PAIP2B: variants seen among roughly 807,000 people sequenced by gnomAD.
PAIP2B encodes poly(A) binding protein interacting protein 2B, also known as polyadenylate-binding protein-interacting protein 2B.
PAIP2B carries 13 observed loss-of-function variants against 17.0 expected under a neutral mutation model. The ratio of observed to expected loss-of-function variants is 0.76; its 90% CI spans 0.50 to 1.22. The LOEUF is 1.22. Ranked by LOEUF, PAIP2B falls within the 50% of genes most tolerant of loss-of-function variation. PAIP2B has a pLI of 0.00. For synonymous variants in PAIP2B, 43 were observed against 48.7 expected, an observed-to-expected ratio of 0.88 and a Z score of 0.48; for missense variants, 117 against 144.5, an observed-to-expected ratio of 0.81 and a Z score of 0.98.
intron 1 of PAIP2B, among the ~76,000 whole-genome samples, chr2:71,220,486 G>GAA (rs1675555035): frequency 6.6e-6 from 1 of 150,488 alleles, no homozygotes; most frequent in African/African-American, 2.4e-5. Context: ...GTAGTCCCCT[G>GAA]CTCCTTGCCA....
chr2:71,207,860 TA>T lies in PAIP2B; in HGVS notation c.-11-5261del, dbSNP rs565941275. Among the ~76,000 whole-genome samples the T allele has an allele frequency of 3.2e-4, 49 of 152,198 alleles. No homozygotes were observed. In the East Asian group the frequency reaches 4.4e-3, roughly 14 times the overall value. On this transcript the variant is annotated intron_variant, in intron 1 of 3. Transcript: ENST00000244221. ...AGGGCAAACTTTTCTTGGGTGGTGA[TA>T]GGGGCGTGGGGGTAAAAAAGGTGAT...
intron 1 of PAIP2B, among the ~76,000 whole-genome samples, chr2:71,207,526 T>C (rs1338743111): frequency 7.4e-6 from 1 of 134,798 alleles, no homozygotes; most frequent in Non-Finnish European, 1.6e-5. Flanking sequence ...TAATGCACCG[T>C]AGCATGATTC....
At position 71,187,778 on chromosome 2, in the gene PAIP2B, G is replaced by C. The variant is rs1674575015; in HGVS notation, c.*701C>G. The C allele has an allele frequency of 6.6e-6, 1 of 152,232 alleles. No homozygotes were observed. The highest frequency in any genetic ancestry group is 1.5e-5 in the Non-Finnish European group (1 of 68,108). 9.4% of individuals were successfully genotyped at this position (152,232 alleles called of 1,614,324 possible). A position where few individuals can be genotyped will look rare whatever the true frequency, so the allele number is the denominator to read the frequency against. On this transcript the variant is annotated 3_prime_UTR_variant, in exon 4 of 4. Coordinates refer to ENST00000244221, the MANE Select transcript of PAIP2B (RefSeq NM_020459.1). Reference sequence around the variant, plus strand: ...AGTCTGATGGTGGTGGTGAACACAGGCTTATGAACAGGACAACAGTAACTA... The same window carrying C: ...AGTCTGATGGTGGTGGTGAACACAGCCTTATGAACAGGACAACAGTAACTA...
intron 2 of PAIP2B, among the ~76,000 whole-genome samples, chr2:71,192,208 T>C (rs1224604190): frequency 2.0e-5 from 3 of 151,762 alleles, no homozygotes; most frequent in Admixed American, 2.0e-4. Flanking sequence ...AAAAATATTA[T>C]ATATGGGCAC....
chr2:71,223,441 CT>C (rs112382318), intron 1 of PAIP2B, among the ~76,000 whole-genome samples: 421 of 138,234 alleles, frequency 3.0e-3, no homozygotes, highest in Middle Eastern at 3.8e-3. Context: ...AAAACACAGA[CT>C]TTTTTTTTTT....
chr2:71,190,265 A>T (rs1477545410), intron 2 of PAIP2B, among the ~76,000 whole-genome samples: 2 of 152,052 alleles, frequency 1.3e-5, no homozygotes, highest in Admixed American at 6.6e-5. Context: ...TACAAAAAAA[A>T]TTTTAAAATT....
At position 71,185,253 on chromosome 2, in the gene PAIP2B, C is replaced by T. The variant is rs1316187420; in HGVS notation, c.*3226G>A. ...TTTAAGCCATGGTTAGCATTATAACCTTAATTAAAGAGACCCCAGGCTGGG... is the reference window on the plus strand; with the variant it reads ...TTTAAGCCATGGTTAGCATTATAACTTTAATTAAAGAGACCCCAGGCTGGG... On this transcript the variant is annotated 3_prime_UTR_variant, in exon 4 of 4. Coordinates refer to ENST00000244221, the MANE Select transcript of PAIP2B (RefSeq NM_020459.1). 1 of 151,992 alleles carries T rather than the reference C, an allele frequency of 6.6e-6. No homozygotes were observed. Among genetic ancestry groups the T allele is most frequent in the African/African-American group, 2.4e-5 (1 of 41,388 alleles). The allele number at this position is 151,992 out of a possible 1,614,324, so 9.4% of individuals were successfully genotyped here.
intron 1 of PAIP2B, among the ~76,000 whole-genome samples, chr2:71,213,828 T>C (rs777861459): frequency 2.0e-5 from 3 of 152,040 alleles, no homozygotes; most frequent in African/African-American, 7.2e-5. Context: ...TTAAGTTACA[T>C]AGAAAAAACA....
In PAIP2B at chr2:71,189,984, C is replaced by T. The variant is rs573052023; in HGVS notation, c.176G>A (p.Arg59His). 1.9e-5 allele frequency: 31 copies of T among 1,612,066 alleles called. No individual in the cohort carries two copies. Among genetic ancestry groups the T allele is most frequent in the African/African-American group, 1.7e-4 (13 of 75,014 alleles). ...TTCATCCAGCATCTCTTGGAAGCAGCGGTCCAAGAAGTCTTGCTCCTGCAG... is the reference window on the plus strand; with the variant it reads ...TTCATCCAGCATCTCTTGGAAGCAGTGGTCCAAGAAGTCTTGCTCCTGCAG... ...EELQEQDFLD[R>H]CFQEMLDEED... The change falls in exon 3 of 4, where the codon CGC (arginine) becomes CAC (histidine). Residue 59 changes from arginine to histidine, a missense_variant. Transcript: ENST00000244221.
At chr2:71,202,312 T>G in intron 2 of PAIP2B, 140 bp downstream of exon 2, 1 of 1,038,480 alleles carries the variant, frequency 9.6e-7, no homozygotes, top group Non-Finnish European at 1.4e-6. Flanking sequence ...TCATTCCAGA[T>G]GAGGCCCCCC....
intron 1 of PAIP2B, among the ~76,000 whole-genome samples, chr2:71,204,492 A>G (rs1313180367): frequency 2.0e-5 from 3 of 152,180 alleles, no homozygotes; most frequent in Non-Finnish European, 4.4e-5. Flanking sequence ...AGACAAGGTA[A>G]AATTGTGAAG....
chr2:71,223,831 A>G (rs1365555892), intron 1 of PAIP2B, among the ~76,000 whole-genome samples: 1 of 152,272 alleles, frequency 6.6e-6, no homozygotes, highest in African/African-American at 2.4e-5. Context: ...ATAAATGTAC[A>G]AACTATCAAA....
At chr2:71,197,026 A>G (rs1380419170) in intron 2 of PAIP2B, among the ~76,000 whole-genome samples, 1 of 152,036 alleles carries the variant, frequency 6.6e-6, no homozygotes, top group Non-Finnish European at 1.5e-5. Flanking sequence ...CAATGTTGGT[A>G]TTGATATGTG....
intron 2 of PAIP2B, among the ~76,000 whole-genome samples, chr2:71,195,212 G>T (rs779957829): frequency 2.0e-5 from 3 of 152,160 alleles, no homozygotes; most frequent in Admixed American, 2.0e-4. Flanking sequence ...CTAGGTTTTG[G>T]TATCAGGATG....
chr2:71,212,660 C>T (rs2103809650), intron 1 of PAIP2B, among the ~76,000 whole-genome samples: 1 of 152,226 alleles, frequency 6.6e-6, no homozygotes, highest in East Asian at 1.9e-4. Context: ...ATCCATGTTG[C>T]CCAGACTGGT....
chr2:71,199,784 A>G (rs1674932338), intron 2 of PAIP2B, among the ~76,000 whole-genome samples: 1 of 152,138 alleles, frequency 6.6e-6, no homozygotes, highest in Non-Finnish European at 1.5e-5. Context: ...ACAGCTAATC[A>G]AGAGGCTGTA....
At chr2:71,190,502 C>T (rs1674662005) in intron 2 of PAIP2B, among the ~76,000 whole-genome samples, 1 of 152,114 alleles carries the variant, frequency 6.6e-6, no homozygotes, top group Non-Finnish European at 1.5e-5. Context: ...ATTCAATGCG[C>T]CTAATGACTA....
At position 71,190,016 on chromosome 2, in the gene PAIP2B, C is replaced by T. The variant is rs1411340534; in HGVS notation, c.144G>A (p.Glu48=). The part of the protein sequence containing the change: ...ENEEDFNRQV[E]EELQEQDFLD... ...AGAAGTCTTGCTCCTGCAGTTCCTC[C>T]TCCACCTAGCAAGCAAAGGGGAGCA... The change falls in exon 3 of 4, where the codon GAG becomes GAA. Residue 48 remains glutamate, a synonymous_variant. Transcript: ENST00000244221. 2 of 1,610,090 alleles carry T rather than the reference C, an allele frequency of 1.2e-6. No individual in the cohort carries two copies. Among genetic ancestry groups the T allele is most frequent in the Non-Finnish European group, 1.7e-6 (2 of 1,178,278 alleles).
At chr2:71,189,786 C>CA in intron 3 of PAIP2B, 59 bp downstream of exon 3, 1 of 1,439,276 alleles carries the variant, frequency 6.9e-7, no homozygotes, top group Non-Finnish European at 9.3e-7. Context: ...GAAAGTCTGT[C>CA]ATTCCAAATC....
Sources: allele counts gnomAD v4.1 joint callset (sites outside exome capture counted in the v4.1 genomes callset), GRCh38; gene constraint gnomAD v4.1.1; transcripts MANE v1.5; gene names NCBI Gene and HGNC (gene_info 2026-07-23, HGNC 2026-07-21).